HFM1: variants seen among roughly 807,000 people sequenced by gnomAD.
HFM1 encodes the protein probable ATP-dependent DNA helicase HFM1.
A neutral mutation model predicts 192.1 loss-of-function variants in HFM1; 169 were observed. The ratio of observed to expected loss-of-function variants is 0.88; its 90% CI spans 0.78 to 1.00. The LOEUF (loss-of-function observed/expected upper bound fraction) is 1.00, where lower values mean the gene tolerates loss of function less well. Among genes scored for constraint, HFM1 ranks in the 50% least tolerant of loss-of-function variants. The pLI, the probability that HFM1 is intolerant of heterozygous loss-of-function variation, is 0.00. For synonymous variants in HFM1, 525 were observed against 537.8 expected, an observed-to-expected ratio of 0.98 and a Z score of 0.33; for missense variants, 1,661 against 1,668.0, an observed-to-expected ratio of 1.00 and a Z score of 0.07.
At chr1:91,324,065 C>T (rs1017429386) in intron 21 of HFM1, among the ~76,000 whole-genome samples, 4 of 152,162 alleles carry the variant, frequency 2.6e-5, no homozygotes, top group Admixed American at 1.3e-4. Flanking sequence ...CCAATGCAGT[C>T]GCCATATACC....
intron 2 of HFM1, among the ~76,000 whole-genome samples, chr1:91,400,764 G>A (rs971660607): frequency 2.0e-5 from 3 of 152,146 alleles, no homozygotes; most frequent in Non-Finnish European, 2.9e-5. Flanking sequence ...GATTACAGGC[G>A]TGAGCCACTG....
At chr1:91,363,874 T>C (rs1000059385) in intron 13 of HFM1, among the ~76,000 whole-genome samples, 1 of 152,202 alleles carries the variant, frequency 6.6e-6, no homozygotes, top group Admixed American at 6.5e-5. Flanking sequence ...AATGATATCA[T>C]GTCCTTTGCA....
chr1:91,386,390 T>C (rs1280737774), intron 4 of HFM1, among the ~76,000 whole-genome samples: 2 of 152,238 alleles, frequency 1.3e-5, no homozygotes, highest in Non-Finnish European at 2.9e-5. Context: ...TGATAGCTCC[T>C]GTCAAGCTTT....
chr1:91,293,439 C>A (rs1475691294), intron 30 of HFM1, among the ~76,000 whole-genome samples: 2 of 152,148 alleles, frequency 1.3e-5, no homozygotes, highest in Non-Finnish European at 1.5e-5. Context: ...CCAAAAAACA[C>A]ATGAAAAAAG....
At chr1:91,407,582 CT>C (rs1484249206), upstream of HFM1, among the ~76,000 whole-genome samples, 2 of 152,118 alleles carry the variant, frequency 1.3e-5, no homozygotes, top group Non-Finnish European at 2.9e-5. Context: ...AATTTTACTC[CT>C]TTTTAAGGCT....
intron 4 of HFM1, among the ~76,000 whole-genome samples, chr1:91,390,952 ACAC>A (rs1405273964): frequency 6.6e-6 from 1 of 152,218 alleles, no homozygotes; most frequent in Non-Finnish European, 1.5e-5. Context: ...GTATTCCTGT[ACAC>A]CAATAACAGA....
intron 4 of HFM1, among the ~76,000 whole-genome samples, chr1:91,388,079 T>C (rs1032179341): frequency 6.6e-6 from 1 of 152,238 alleles, no homozygotes; most frequent in East Asian, 1.9e-4. Flanking sequence ...AGAGAAGTTA[T>C]GGGAACTCTG....
intron 20 of HFM1, among the ~76,000 whole-genome samples, chr1:91,333,430 A>G (rs1396377901): frequency 6.6e-6 from 1 of 152,148 alleles, no homozygotes; most frequent in Non-Finnish European, 1.5e-5. Context: ...CATAGAGAGT[A>G]GAAAGATGGT....
At chr1:91,318,498 A>G (rs1651589312) in intron 25 of HFM1, among the ~76,000 whole-genome samples, 1 of 152,222 alleles carries the variant, frequency 6.6e-6, no homozygotes, top group Non-Finnish European at 1.5e-5. Context: ...CACAGGTACC[A>G]AACAGGAAAA....
At chr1:91,329,987 G>A (rs1653567838) in intron 20 of HFM1, among the ~76,000 whole-genome samples, 1 of 152,212 alleles carries the variant, frequency 6.6e-6, no homozygotes, top group Non-Finnish European at 1.5e-5. Flanking sequence ...CATCTTAGCA[G>A]ATGGGAGGAA....
chr1:91,336,937 G>A (rs932491115), intron 20 of HFM1, among the ~76,000 whole-genome samples: 1 of 152,184 alleles, frequency 6.6e-6, no homozygotes, highest in African/African-American at 2.4e-5. Flanking sequence ...GCAGGAAAAT[G>A]GATGGAGCTG....
chr1:91,277,629 ATAAT>A (rs1343563769), intron 30 of HFM1, among the ~76,000 whole-genome samples: 3 of 130,458 alleles, frequency 2.3e-5, no homozygotes, highest in African/African-American at 5.8e-5. Flanking sequence ...ACTAATATAT[ATAAT>A]ATATACTATA....
intron 13 of HFM1, among the ~76,000 whole-genome samples, chr1:91,358,926 C>T (rs1349904500): frequency 6.6e-6 from 1 of 152,204 alleles, no homozygotes; most frequent in Admixed American, 6.5e-5. Flanking sequence ...GTCATCTTTG[C>T]TGTTTCACAG....
At chr1:91,389,585 T>C (rs1246056256) in intron 4 of HFM1, among the ~76,000 whole-genome samples, 1 of 152,156 alleles carries the variant, frequency 6.6e-6, no homozygotes, top group East Asian at 1.9e-4. Flanking sequence ...AGAACATAAC[T>C]AGGAAGAGGG....
chr1:91,352,983 C>T (rs1657154563), intron 15 of HFM1, 68 bp downstream of exon 15: 3 of 1,034,140 alleles, frequency 2.9e-6, no homozygotes, highest in Admixed American at 2.3e-5. Flanking sequence ...GCGCTTTTTC[C>T]TTTTTTCCTC....
At chr1:91,289,582 G>T (rs1385499299) in intron 30 of HFM1, among the ~76,000 whole-genome samples, 1 of 152,188 alleles carries the variant, frequency 6.6e-6, no homozygotes, top group Non-Finnish European at 1.5e-5. Context: ...ATTGAGCACT[G>T]AGTGAGCGAG....
intron 23 of HFM1, among the ~76,000 whole-genome samples, chr1:91,322,011 C>A (rs1455690833): frequency 1.3e-5 from 2 of 152,128 alleles, no homozygotes; most frequent in Non-Finnish European, 1.5e-5. Context: ...CTTATCTGGG[C>A]ATCACTTACA....
chr1:91,402,894 T>C (rs1261497915), intron 1 of HFM1, among the ~76,000 whole-genome samples: 3 of 152,100 alleles, frequency 2.0e-5, no homozygotes, highest in Non-Finnish European at 4.4e-5. Flanking sequence ...TTTAAAACAT[T>C]TGGGAAGAAA....
chr1:91,366,804 C>T (rs975261586), intron 13 of HFM1, among the ~76,000 whole-genome samples: 37 of 152,186 alleles, frequency 2.4e-4, no homozygotes, highest in Non-Finnish European at 3.8e-4. Context: ...TGAAGCAGGG[C>T]GAGGCATCGC....
Sources: allele counts gnomAD v4.1 joint callset (sites outside exome capture counted in the v4.1 genomes callset), GRCh38; gene constraint gnomAD v4.1.1; transcripts MANE v1.5; gene names NCBI Gene and HGNC (gene_info 2026-07-23, HGNC 2026-07-21).